The following SLC44A5 variants were observed in gnomAD, a reference collection of about 807,000 sequenced individuals.
The protein encoded by SLC44A5 is choline transporter-like protein 5.
In SLC44A5, 57 loss-of-function variants were observed where a neutral mutation model predicts 101.8. The observed-to-expected ratio is 0.56, with a 90% CI of 0.45 to 0.70. The LOEUF is 0.70. SLC44A5 is among the 30% of genes least tolerant of loss of function. The pLI is 0.00. For missense variants in SLC44A5, 737 were observed against 853.1 expected (o/e 0.86, Z 1.70); for synonymous variants, 281 against 290.9 (o/e 0.97, Z 0.35).
intron 3 of SLC44A5, among the ~76,000 whole-genome samples, chr1:75,346,428 C>A (rs2101053377): frequency 6.6e-6 from 1 of 152,130 alleles, no homozygotes; most frequent in Non-Finnish European, 1.5e-5. Flanking sequence ...AGAAGCACCT[C>A]AAAAGAAAAA....
chr1:75,614,643 A>G (rs571332825), upstream of SLC44A5, among the ~76,000 whole-genome samples: 1 of 152,292 alleles, frequency 6.6e-6, no homozygotes, highest in East Asian at 1.9e-4. Context: ...GTCCAAGCCA[A>G]TGTATTCAGT....
chr1:75,396,604 G>A lies in SLC44A5; in HGVS notation c.31C>T (p.Pro11Ser). 6.2e-7 allele frequency: 1 copy of A among 1,612,810 alleles called. No homozygotes were observed. The highest frequency in any genetic ancestry group is 8.5e-7 in the Non-Finnish European group (1 of 1,179,288). ...TTACCAAAGTCCTCTTCCTCAGAGG[G>A]AGTATCTGCTGGTTTTTCTAGGAAA... MNDTEKPADT[P>S]SEEEDFGDPR... Residue 11 changes from proline (P) to serine (S), a missense_variant, in exon 3 of 24, where the codon CCC (proline) becomes TCC (serine). Pro to Ser is a moderately conservative substitution (Grantham distance 74). Transcript: ENST00000370859.
At chr1:75,388,904 T>C (rs1464050253) in intron 3 of SLC44A5, among the ~76,000 whole-genome samples, 4 of 152,108 alleles carry the variant, frequency 2.6e-5, no homozygotes, top group Admixed American at 2.6e-4. Context: ...GACCCAACCT[T>C]TCTCTGTCTT....
At chr1:75,444,483 G>GAAAGAAAGAAAGA (rs1553181287) in intron 2 of SLC44A5, among the ~76,000 whole-genome samples, 34 of 140,728 alleles carry the variant, frequency 2.4e-4, no homozygotes, top group African/African-American at 7.1e-4. Context: ...GAGAAAGAAA[G>GAAAGAAAGAAAGA]AAGAAAGAAA....
intron 2 of SLC44A5, among the ~76,000 whole-genome samples, chr1:75,479,537 A>C (rs1387178418): frequency 3.3e-5 from 5 of 152,222 alleles, no homozygotes; most frequent in Admixed American, 3.3e-4. Flanking sequence ...GAGAAGAATC[A>C]AATAGATGCA....
intron 7 of SLC44A5, among the ~76,000 whole-genome samples, chr1:75,250,991 C>T (rs561315503): frequency 6.6e-5 from 10 of 152,276 alleles, no homozygotes; most frequent in African/African-American, 1.9e-4. Flanking sequence ...AGACAATCAT[C>T]GAGCTTCCTA....
Position 75,380,829 on chromosome 1 carries a change from A to G in SLC44A5, c.52+15754T>C, listed in dbSNP as rs1354917264. On this transcript the variant is annotated intron_variant, in intron 3 of 23. Transcript: ENST00000370859. The stretch of plus-strand genomic sequence containing the variant: ...TAGAAGTATATGTTAATGATAGTGA[A>G]TGGGTACCTGGCCCCACAGATGATC... 2.4e-5 allele frequency among the ~76,000 whole-genome samples: 2 copies of G among 82,164 alleles called. 1 individual carries two copies. The highest frequency in any genetic ancestry group is 4.2e-5 in the Non-Finnish European group (2 of 47,734). 53.9% of individuals were successfully genotyped at this position (82,164 alleles called of 152,430 possible). A position where few individuals can be genotyped will look rare whatever the true frequency, so the allele number is the denominator to read the frequency against.
the SLC44A5 span, among the ~76,000 whole-genome samples, chr1:75,683,097 C>A: frequency 5.9e-5 from 9 of 151,870 alleles, no homozygotes; most frequent in African/African-American, 2.2e-4. Flanking sequence ...AATAAAAAGT[C>A]AGGAAACAAC....
At chr1:75,226,994 A>G (rs940788462) in intron 13 of SLC44A5, among the ~76,000 whole-genome samples, 5 of 152,214 alleles carry the variant, frequency 3.3e-5, no homozygotes, top group African/African-American at 1.2e-4. Flanking sequence ...CATAATTCCT[A>G]TAAGTGGTTT....
At chr1:75,627,713 AT>A in the SLC44A5 span, among the ~76,000 whole-genome samples, 1 of 151,702 alleles carries the variant, frequency 6.6e-6, no homozygotes, top group Non-Finnish European at 1.5e-5. Flanking sequence ...AAGAAGGGAA[AT>A]TCGTATATAA....
intron 2 of SLC44A5, among the ~76,000 whole-genome samples, chr1:75,482,438 T>TAA (rs907013782): frequency 1.3e-5 from 2 of 150,540 alleles, no homozygotes; most frequent in African/African-American, 4.9e-5. Context: ...AAATAAAAAA[T>TAA]AAAAAAAAAG....
the SLC44A5 span, among the ~76,000 whole-genome samples, chr1:75,619,329 T>G: frequency 6.6e-6 from 1 of 152,242 alleles, no homozygotes; most frequent in South Asian, 2.1e-4. Context: ...CTGTCATATA[T>G]TCAGTCCATC....
At position 75,238,622 on chromosome 1, in the gene SLC44A5, A is replaced by C. The variant is rs1648342263; in HGVS notation, c.547T>G (p.Phe183Val). ...FPSKPFLQRCFPDFSTKNGTL... is the reference protein window; with the variant it reads ...FPSKPFLQRCVPDFSTKNGTL... ...CCATTTTTGGTAGAGAAGTCAGGGA[A>C]ACATCTCTGGAGAACTGTAAAAATA... The change falls in exon 10 of 24, where the codon TTC becomes GTC. Residue 183 changes from phenylalanine to valine, a missense_variant. Phe to Val is a conservative substitution (Grantham distance 50, BLOSUM62 -1). Coordinates refer to ENST00000370859, the MANE Select transcript of SLC44A5 (RefSeq NM_001130058.2). 1.3e-6 allele frequency: 2 copies of C among 1,572,396 alleles called. No homozygotes were observed. The highest frequency in any genetic ancestry group is 1.8e-5 in the Admixed American group (1 of 55,984).
the SLC44A5 span, among the ~76,000 whole-genome samples, chr1:75,722,478 TATGCCACCC>T: frequency 8.5e-5 from 13 of 152,214 alleles, no homozygotes; most frequent in African/African-American, 3.1e-4. Flanking sequence ...ACAAACTGCG[TATGCCACCC>T]AGGAGGACTG....
intron 2 of SLC44A5, among the ~76,000 whole-genome samples, chr1:75,444,250 G>A (rs1429282166): frequency 1.3e-5 from 2 of 151,156 alleles, no homozygotes; most frequent in East Asian, 3.9e-4. Flanking sequence ...CTGGAAGGTG[G>A]AGGTTGCAGT....
At chr1:75,696,762 G>T in the SLC44A5 span, among the ~76,000 whole-genome samples, 1 of 152,078 alleles carries the variant, frequency 6.6e-6, no homozygotes, top group Non-Finnish European at 1.5e-5. Context: ...AATTAGCCAG[G>T]CGTGGTTGTG....
At chr1:75,526,218 C>T (rs890209328) in intron 2 of SLC44A5, among the ~76,000 whole-genome samples, 4 of 152,192 alleles carry the variant, frequency 2.6e-5, no homozygotes, top group Admixed American at 1.3e-4. Flanking sequence ...GACAGTACCA[C>T]CTTCTTCTAC....
chr1:75,715,775 C>G, the SLC44A5 span, among the ~76,000 whole-genome samples: 14 of 152,060 alleles, frequency 9.2e-5, no homozygotes, highest in African/African-American at 3.4e-4. Context: ...ACAATTGCAA[C>G]AAAAATGAAA....
chr1:75,563,977 G>A (rs180918999), intron 1 of SLC44A5, among the ~76,000 whole-genome samples: 3 of 152,254 alleles, frequency 2.0e-5, no homozygotes, highest in African/African-American at 7.2e-5. Flanking sequence ...TTTAAAATCT[G>A]TAGCCTCTAG....
Sources: gnomAD v4.1 joint callset for allele counts (sites outside exome capture counted in the v4.1 genomes callset) on GRCh38, gnomAD v4.1.1 for gene constraint, MANE v1.5 for transcripts, NCBI Gene and HGNC (gene_info 2026-07-23, HGNC 2026-07-21) for gene names.